The following RSBN1 variants were observed in gnomAD, a reference collection of about 807,000 sequenced individuals.
RSBN1 encodes the protein lysine-specific demethylase 9.
A neutral mutation model predicts 74.8 loss-of-function variants in RSBN1; 23 were observed. The observed-to-expected ratio is 0.31, with a 90% CI of 0.22 to 0.44. RSBN1 has a LOEUF of 0.44. Ranked by LOEUF, RSBN1 falls within the 20% of genes least tolerant of loss-of-function variation. The pLI is 1.00. For synonymous variants in RSBN1, 407 were observed against 379.6 expected, an observed-to-expected ratio of 1.07 and a Z score of -0.84; for missense variants, 808 against 1,020.9, an observed-to-expected ratio of 0.79 and a Z score of 2.84.
At chr1:113,776,989 G>T (rs1660045934) in intron 4 of RSBN1, among the ~76,000 whole-genome samples, 1 of 152,114 alleles carries the variant, frequency 6.6e-6, no homozygotes, top group African/African-American at 2.4e-5. Context: ...CCTGCAGGCA[G>T]TTAGGGCACA....
chr1:113,804,721 G>A (rs143180388), intron 1 of RSBN1, among the ~76,000 whole-genome samples: 1 of 152,098 alleles, frequency 6.6e-6, no homozygotes. Flanking sequence ...TACAGTTGTT[G>A]TTCTGATAAA....
chr1:113,773,192 A>T (rs1327606092), intron 4 of RSBN1, among the ~76,000 whole-genome samples: 1 of 152,246 alleles, frequency 6.6e-6, no homozygotes, highest in Non-Finnish European at 1.5e-5. Context: ...ATCACCAAAG[A>T]CAAAATAAGA....
In RSBN1 at chr1:113,812,210, G is replaced by A. The variant is rs746782805; in HGVS notation, c.203C>T (p.Pro68Leu). Residue 68 changes from proline to leucine, a missense_variant, in exon 1 of 7, where the codon CCG (proline) becomes CTG (leucine). By Grantham distance (98) the Pro-to-Leu change is moderately conservative. Around this residue, in one of 6 missense-constraint regions of RSBN1, gnomAD observed 464 missense variants for 401.0 expected, o/e 1.16. Transcript: ENST00000261441. ...AGGTTTCTCCTTCCCCTCTTTGTCCGGCTCCTCCTGCGCCGCCACCGCCCG... is the reference window on the plus strand; with the variant it reads ...AGGTTTCTCCTTCCCCTCTTTGTCCAGCTCCTCCTGCGCCGCCACCGCCCG... ...VVRAVAAQEE[P>L]DKEGKEKPHA... 6.2e-7 allele frequency: 1 copy of A among 1,607,460 alleles called. No individual in the cohort carries two copies. Among genetic ancestry groups the A allele is most frequent in the Non-Finnish European group, 8.5e-7 (1 of 1,179,856 alleles).
In RSBN1 at chr1:113,762,353, C is replaced by G. The variant is rs1256426062; in HGVS notation, c.*3627G>C. ...AGGCCATAATATTTATGGAGAGATA[C>G]TTGCTTTTAAAGCAACAAACTTTCA... On this transcript the variant is annotated 3_prime_UTR_variant, in exon 7 of 7. Coordinates refer to ENST00000261441, the MANE Select transcript of RSBN1 (RefSeq NM_018364.5). 3 of 152,640 alleles carry G rather than the reference C, an allele frequency of 2.0e-5. No individual in the cohort carries two copies. The highest frequency in any genetic ancestry group is 4.4e-5 in the Non-Finnish European group (3 of 68,028). 9.5% of individuals were successfully genotyped at this position (152,640 alleles called of 1,614,324 possible). A position where few individuals can be genotyped will look rare whatever the true frequency, so the allele number is the denominator to read the frequency against.
At chr1:113,803,595 A>G (rs1010967019) in intron 1 of RSBN1, among the ~76,000 whole-genome samples, 2 of 152,230 alleles carry the variant, frequency 1.3e-5, no homozygotes, top group African/African-American at 4.8e-5. Context: ...TGAAGTACTT[A>G]TAATAGTCCT....
chr1:113,763,837 C>T lies in RSBN1; in HGVS notation c.*2143G>A, dbSNP rs1178134221. On this transcript the variant is annotated 3_prime_UTR_variant, in exon 7 of 7. Coordinates refer to ENST00000261441, the MANE Select transcript of RSBN1 (RefSeq NM_018364.5). ...ATACACAGTGCTGGCTGTCAGGAGA[C>T]AGTCTCCTTGTTTATTAGCAATGAC... 1.3e-5 allele frequency: 2 copies of T among 152,556 alleles called. No individual in the cohort carries two copies. The highest frequency in any genetic ancestry group is 4.8e-5 in the African/African-American group (2 of 41,382). 9.5% of individuals were successfully genotyped at this position (152,556 alleles called of 1,614,324 possible).
intron 2 of RSBN1, among the ~76,000 whole-genome samples, chr1:113,793,073 G>A (rs1660399001): frequency 6.6e-6 from 1 of 152,114 alleles, no homozygotes; most frequent in Non-Finnish European, 1.5e-5. Flanking sequence ...CATTTTTCTT[G>A]CACAAAATCT....
intron 1 of RSBN1, among the ~76,000 whole-genome samples, chr1:113,810,711 CAT>C (rs1660819294): frequency 6.6e-6 from 1 of 152,162 alleles, no homozygotes; most frequent in Non-Finnish European, 1.5e-5. Context: ...GTCTCATTAA[CAT>C]GTAATAACCT....
intron 1 of RSBN1, among the ~76,000 whole-genome samples, chr1:113,809,518 T>C (rs895385562): frequency 6.6e-6 from 1 of 152,244 alleles, no homozygotes; most frequent in African/African-American, 2.4e-5. Flanking sequence ...GTTTATTTTC[T>C]GTAGGGTTTT....
At position 113,797,919 on chromosome 1, in the gene RSBN1, T is replaced by C. The variant is rs1447030853; in HGVS notation, c.821A>G (p.Tyr274Cys). 3.1e-6 allele frequency: 5 copies of C among 1,613,922 alleles called. No individual in the cohort carries two copies. Among genetic ancestry groups the C allele is most frequent in the Admixed American group, 3.3e-5 (2 of 59,990 alleles). The change falls in exon 2 of 7, where the codon TAC (tyrosine) becomes TGC (cysteine). Residue 274 changes from tyrosine to cysteine, a missense_variant. Coordinates refer to ENST00000261441, the MANE Select transcript of RSBN1 (RefSeq NM_018364.5). ...EDMRGRRLKM[Y>C]NKEVQTVCAG... ...ACAGACGGTTTGTACTTCCTTATTG[T>C]ACATTTTAAGGCGTCTTCCTCGCAT...
intron 2 of RSBN1, among the ~76,000 whole-genome samples, chr1:113,794,758 T>G (rs1464602891): frequency 1.3e-5 from 2 of 152,196 alleles, no homozygotes; most frequent in Non-Finnish European, 2.9e-5. Flanking sequence ...TCTACTCAAG[T>G]AGTACTCTGT....
In RSBN1 at chr1:113,767,211, A is replaced by C; in HGVS notation, c.1827-4T>G. ...GGTTATGCGAGGTTGGTCACTCCTA[A>C]GATTAACAAAATTAAGTTTCAGAGA... On this transcript the variant is annotated splice_polypyrimidine_tract_variant and splice_region_variant and intron_variant, in intron 5 of 6. Coordinates refer to ENST00000261441, the MANE Select transcript of RSBN1 (RefSeq NM_018364.5). 1 of 1,543,438 alleles carries C rather than the reference A, an allele frequency of 6.5e-7. No individual in the cohort carries two copies.
At chr1:113,793,658 C>T (rs1256217918) in intron 2 of RSBN1, among the ~76,000 whole-genome samples, 2 of 151,264 alleles carry the variant, frequency 1.3e-5, no homozygotes, top group African/African-American at 2.4e-5. Context: ...TGGATCCATA[C>T]ATTCAATTCC....
At chr1:113,792,385 A>G (rs1223768828) in intron 2 of RSBN1, among the ~76,000 whole-genome samples, 1 of 152,206 alleles carries the variant, frequency 6.6e-6, no homozygotes, top group East Asian at 1.9e-4. Flanking sequence ...TGGTCCATTT[A>G]CTAGCAACAT....
At chr1:113,802,274 A>C (rs1482561548) in intron 1 of RSBN1, among the ~76,000 whole-genome samples, 1 of 152,006 alleles carries the variant, frequency 6.6e-6, no homozygotes, top group Non-Finnish European at 1.5e-5. Flanking sequence ...TTAAGGTCTT[A>C]ACAGCAATTC....
intron 2 of RSBN1, among the ~76,000 whole-genome samples, chr1:113,780,525 A>T (rs989841989): frequency 6.6e-6 from 1 of 152,268 alleles, no homozygotes; most frequent in Non-Finnish European, 1.5e-5. Flanking sequence ...AGAGAATAAA[A>T]AGTAAACCTA....
intron 1 of RSBN1, among the ~76,000 whole-genome samples, chr1:113,809,591 G>C (rs1660789846): frequency 6.6e-6 from 1 of 152,160 alleles, no homozygotes; most frequent in Admixed American, 6.5e-5. Flanking sequence ...ACAGTACACA[G>C]TTTTTCTCAA....
chr1:113,779,810 C>T (rs893569415), intron 2 of RSBN1, among the ~76,000 whole-genome samples: 1 of 150,396 alleles, frequency 6.6e-6, no homozygotes, highest in African/African-American at 2.5e-5. Flanking sequence ...ATCATGATGT[C>T]AGGAGCTCAA....
At chr1:113,778,569 G>A (rs997756728) in intron 2 of RSBN1, among the ~76,000 whole-genome samples, 1 of 152,104 alleles carries the variant, frequency 6.6e-6, no homozygotes. Context: ...CAAAGTTTTA[G>A]GAGTACAGGT....
Sources: allele counts gnomAD v4.1 joint callset (sites outside exome capture counted in the v4.1 genomes callset), GRCh38; gene constraint gnomAD v4.1.1; regional missense constraint gnomAD v4.1.1; transcripts MANE v1.5; gene names NCBI Gene and HGNC (gene_info 2026-07-23, HGNC 2026-07-21).